Variants in TNN observed in about 807,000 individuals in gnomAD.
TNN encodes tenascin-N.
TNN carries 122 observed loss-of-function variants against 134.4 expected under a neutral mutation model. The ratio of observed to expected loss-of-function variants is 0.91; its 90% CI spans 0.78 to 1.06. TNN has a LOEUF of 1.06. TNN is among the 50% of genes least tolerant of loss of function. The pLI is 0.00. For missense variants in TNN, 1,739 were observed against 1,699.4 expected (o/e 1.02, Z -0.41); for synonymous variants, 710 against 670.3 (o/e 1.06, Z -0.91).
At chr1:175,093,392 G>A (rs1394148310) in intron 6 of TNN, among the ~76,000 whole-genome samples, 2 of 152,232 alleles carry the variant, frequency 1.3e-5, no homozygotes, top group Non-Finnish European at 1.5e-5. Context: ...CTCCACATTG[G>A]TGGGGATTTT....
chr1:175,089,473 G>C (rs1304387371), intron 6 of TNN, among the ~76,000 whole-genome samples: 5 of 152,186 alleles, frequency 3.3e-5, no homozygotes, highest in African/African-American at 1.2e-4. Flanking sequence ...GTGTCTCTGG[G>C]GGATTGGCGA....
At chr1:175,116,830 A>T (rs1279612010) in intron 9 of TNN, 109 bp from the exon 10 acceptor site, 1 of 1,460,384 alleles carries the variant, frequency 6.8e-7, no homozygotes, top group Non-Finnish European at 9.5e-7. Context: ...AGCATATGAT[A>T]TGGAGAAACC....
Position 175,077,572 on chromosome 1 carries a change from A to C in TNN, c.154A>C (p.Lys52Gln). 5.0e-6 allele frequency: 8 copies of C among 1,614,210 alleles called. No individual in the cohort carries two copies. The highest frequency in any genetic ancestry group is 3.4e-6 in the Non-Finnish European group (4 of 1,180,030). Residue 52 changes from lysine to glutamine, a missense_variant, in exon 2 of 19, where the codon AAG (lysine) becomes CAG (glutamine). Physicochemically the swap from Lys to Gln is moderately conservative, Grantham distance 53. Transcript: ENST00000239462. Reference protein sequence around the residue: ...VSHTYKIDVPKSALVQVDADP... With the variant: ...VSHTYKIDVPQSALVQVDADP... ...CCACACCTACAAGATCGATGTGCCC[A>C]AGTCTGCCTTGGTTCAGGTTGACGC...
At chr1:175,083,673 T>C (rs1256777705) in intron 4 of TNN, 77 bp from the exon 5 acceptor site, 16 of 1,408,626 alleles carry the variant, frequency 1.1e-5, no homozygotes, top group Non-Finnish European at 1.6e-5. Context: ...GCTGACCTGA[T>C]AACCAACAGC....
chr1:175,094,234 T>A lies in TNN; in HGVS notation c.1569T>A (p.Ala523=). 1.2e-6 allele frequency: 2 copies of A among 1,607,788 alleles called. No individual in the cohort carries two copies. The highest frequency in any genetic ancestry group is 1.7e-6 in the Non-Finnish European group (2 of 1,175,864). The change falls in exon 7 of 19, where the codon GCT becomes GCA. Residue 523 remains alanine (A), a synonymous_variant. Transcript: ENST00000239462. ...GGGGCAACCAGGGGAGCAAGAAAGC[T>A]GACACCAATGCCCTCACAGGTAACA... ...AERGNQGSKK[A]DTNALTEIDS...
At chr1:175,143,020 A>G (rs1675974900) in intron 17 of TNN, among the ~76,000 whole-genome samples, 1 of 152,180 alleles carries the variant, frequency 6.6e-6, no homozygotes, top group Non-Finnish European at 1.5e-5. Context: ...GCGTGCAAGA[A>G]GCCCCCCATT....
At chr1:175,122,709 AG>A (rs1675409061) in intron 11 of TNN, among the ~76,000 whole-genome samples, 1 of 152,248 alleles carries the variant, frequency 6.6e-6, no homozygotes, top group South Asian at 2.1e-4. Context: ...TTGGAGAGTG[AG>A]CAGTGAAGTT....
intron 2 of TNN, among the ~76,000 whole-genome samples, chr1:175,078,194 C>G (rs1480434009): frequency 6.6e-6 from 1 of 152,154 alleles, no homozygotes; most frequent in African/African-American, 2.4e-5. Flanking sequence ...AGACAGGTTA[C>G]AAATCCCAGT....
At chr1:175,146,271 C>A (rs1676067000) in intron 18 of TNN, among the ~76,000 whole-genome samples, 2 of 152,300 alleles carry the variant, frequency 1.3e-5, no homozygotes, top group South Asian at 4.1e-4. Context: ...AGACATTCAT[C>A]TGTTTAATGC....
Position 175,094,000 on chromosome 1 carries a change from T to C in TNN, c.1335T>C (p.Ser445=). Residue 445 remains serine, a synonymous_variant, in exon 7 of 19, where the codon AGT becomes AGC. Coordinates refer to ENST00000239462, the MANE Select transcript of TNN (RefSeq NM_022093.2). Reference sequence around the variant, plus strand: ...TGTGTTTTTATGAAGAAATTGACAGTCCAACCAATGTTGTCACTGATCGAG... The same window carrying C: ...TGTGTTTTTATGAAGAAATTGACAGCCCAACCAATGTTGTCACTGATCGAG... The part of the protein sequence containing the change: ...ILLNGRTEID[S]PTNVVTDRVT... 1 of 1,596,532 alleles carries C rather than the reference T, an allele frequency of 6.3e-7. No individual in the cohort carries two copies. The highest frequency in any genetic ancestry group is 8.6e-7 in the Non-Finnish European group (1 of 1,166,738).
chr1:175,073,992 C>T (rs1314403798), intron 1 of TNN, among the ~76,000 whole-genome samples: 3 of 152,138 alleles, frequency 2.0e-5, no homozygotes, highest in Non-Finnish European at 2.9e-5. Flanking sequence ...AACTTGGCCT[C>T]GCCAAAGTCT....
chr1:175,108,223 T>G (rs1483822464), intron 9 of TNN, among the ~76,000 whole-genome samples: 1 of 151,930 alleles, frequency 6.6e-6, no homozygotes, highest in Non-Finnish European at 1.5e-5. Context: ...ATCCCTGAGC[T>G]AGACATAAAG....
chr1:175,130,438 C>T (rs6704290), intron 15 of TNN, among the ~76,000 whole-genome samples: 85,184 of 152,020 alleles, frequency 0.56, 24,790 homozygotes, highest in Non-Finnish European at 0.64. Flanking sequence ...GGTCTTCCAC[C>T]TGACCAGACC....
chr1:175,084,787 C>T (rs1311410063), intron 5 of TNN, among the ~76,000 whole-genome samples: 1 of 152,134 alleles, frequency 6.6e-6, no homozygotes, highest in Non-Finnish European at 1.5e-5. Flanking sequence ...AATATTTGTG[C>T]CCAAGGAAAA....
chr1:175,126,584 C>A (rs1675533781), intron 12 of TNN, among the ~76,000 whole-genome samples: 1 of 152,166 alleles, frequency 6.6e-6, no homozygotes, highest in South Asian at 2.1e-4. Flanking sequence ...GTGCATGGCC[C>A]TTTCAGATCT....
At chr1:175,114,387 G>A (rs1675111366) in intron 9 of TNN, among the ~76,000 whole-genome samples, 1 of 152,194 alleles carries the variant, frequency 6.6e-6, no homozygotes, top group South Asian at 2.1e-4. Flanking sequence ...GGCAGTATAG[G>A]TTGTTAATGT....
rs1359289857 is a variant in TNN, at chr1:175,102,886, A to AC, written c.2119+4295dup. ...TCTCAATCCCCCCTCTAAACAGGAC[A>AC]CCCCAACTGCTGTTGGCAATTTGGC... On this transcript the variant is annotated intron_variant, in intron 9 of 18. Coordinates refer to ENST00000239462, the MANE Select transcript of TNN (RefSeq NM_022093.2). 3.4e-5 allele frequency among the ~76,000 whole-genome samples: 5 copies of AC among 145,546 alleles called. No individual in the cohort carries two copies. The East Asian group carries it at 1.2e-3, about 34-fold the overall frequency.
At position 175,147,176 on chromosome 1, in the gene TNN, A is replaced by C; in HGVS notation, c.*105A>C. The C allele has an allele frequency of 4.4e-6, 5 of 1,144,736 alleles. No individual in the cohort carries two copies. Among genetic ancestry groups the C allele is most frequent in the Non-Finnish European group, 4.6e-6 (4 of 868,696 alleles). The allele number at this position is 1,144,736 out of a possible 1,614,324, so 70.9% of individuals were successfully genotyped here. On this transcript the variant is annotated 3_prime_UTR_variant, in exon 19 of 19. Coordinates refer to ENST00000239462, the MANE Select transcript of TNN (RefSeq NM_022093.2). ...CTGGGAGTGCTCAGATAGCCCGCAG[A>C]ACAAATCATGTCACCAAGCTTCAAG...
chr1:175,079,754 T>C, intron 3 of TNN, 47 bp downstream of exon 3: 2 of 1,528,746 alleles, frequency 1.3e-6, no homozygotes, highest in South Asian at 2.5e-5. Context: ...TTCTTTCCAA[T>C]GCACCATTTA....
Sources: gnomAD v4.1 joint callset for allele counts (sites outside exome capture counted in the v4.1 genomes callset) on GRCh38, gnomAD v4.1.1 for gene constraint, MANE v1.5 for transcripts, NCBI Gene and HGNC (gene_info 2026-07-23, HGNC 2026-07-21) for gene names.